NLN: variants seen among roughly 807,000 people sequenced by gnomAD.
NLN encodes neurolysin, mitochondrial.
Under a neutral mutation model 79.9 loss-of-function variants are expected in NLN, and 64 were observed. The ratio of observed to expected loss-of-function variants is 0.80; its 90% CI spans 0.65 to 0.99. NLN has a LOEUF of 0.99. Among genes scored for constraint, NLN ranks in the 50% least tolerant of loss-of-function variants. The pLI is 0.00. For synonymous variants in NLN, 267 were observed against 296.6 expected (o/e 0.90, Z 1.02); for missense variants, 835 against 858.7 (o/e 0.97, Z 0.34).
At chr5:65,756,182 G>A (rs1286856996) in intron 1 of NLN, among the ~76,000 whole-genome samples, 1 of 152,010 alleles carries the variant, frequency 6.6e-6, no homozygotes, top group Non-Finnish European at 1.5e-5. Flanking sequence ...TAGAGTTAGG[G>A]CCCCAATGCT....
chr5:65,828,964 G>C lies in NLN; in HGVS notation c.*6049G>C, dbSNP rs1760970409. On this transcript the variant is annotated 3_prime_UTR_variant, in exon 13 of 13. Coordinates refer to ENST00000380985, the MANE Select transcript of NLN (RefSeq NM_020726.5). ...CCAGAGGTTAATTACCGGTTTTCTG[G>C]TGGGTATCTGGGAACTGAGGATGGG... The C allele has an allele frequency of 6.6e-6, 1 of 152,182 alleles. No individual in the cohort carries two copies. 9.4% of individuals were successfully genotyped at this position (152,182 alleles called of 1,614,324 possible).
intron 9 of NLN, among the ~76,000 whole-genome samples, chr5:65,799,359 T>C (rs1343279353): frequency 6.6e-6 from 1 of 152,158 alleles, no homozygotes; most frequent in East Asian, 1.9e-4. Flanking sequence ...AGTAAAATAA[T>C]AAAAGTAGAA....
Position 65,825,293 on chromosome 5 carries a change from A to G in NLN, c.*2378A>G, listed in dbSNP as rs1300445077. 1 of 152,164 alleles carries G rather than the reference A, an allele frequency of 6.6e-6. No individual in the cohort carries two copies. Among genetic ancestry groups the G allele is most frequent in the African/African-American group, 2.4e-5 (1 of 41,440 alleles). 9.4% of individuals were successfully genotyped at this position (152,164 alleles called of 1,614,324 possible). A position where few individuals can be genotyped will look rare whatever the true frequency, so the allele number is the denominator to read the frequency against. The stretch of plus-strand genomic sequence containing the variant: ...TGCTTGAAATGGTGGATAACTATGT[A>G]AATTGTAATTGGACAAATGTACACT... On this transcript the variant is annotated 3_prime_UTR_variant, in exon 13 of 13. Transcript: ENST00000380985.
chr5:65,803,524 C>T (rs373196876), intron 9 of NLN, among the ~76,000 whole-genome samples: 3 of 152,144 alleles, frequency 2.0e-5, no homozygotes, highest in Admixed American at 1.3e-4. Flanking sequence ...GGGGAGCTTC[C>T]GGGGCCCCTG....
intron 1 of NLN, chr5:65,722,694 T>G (rs967767210): frequency 4.2e-6 from 2 of 480,608 alleles, no homozygotes; most frequent in Admixed American, 8.4e-5. Flanking sequence ...CGGCCCAAAA[T>G]GAATGCAAAT....
At chr5:65,757,159 C>G (rs1350047044) in intron 1 of NLN, among the ~76,000 whole-genome samples, 2 of 152,178 alleles carry the variant, frequency 1.3e-5, no homozygotes, top group Non-Finnish European at 1.5e-5. Context: ...AGATACAGTA[C>G]ATGCTCATAA....
intron 9 of NLN, among the ~76,000 whole-genome samples, chr5:65,797,697 C>T (rs557240284): frequency 3.3e-5 from 5 of 152,292 alleles, no homozygotes; most frequent in South Asian, 4.2e-4. Context: ...GCCATATGTA[C>T]GTGAAGTATT....
rs1283839498 is a variant in NLN at position 65,795,063 on chromosome 5, A to T, written c.1527+2408A>T. On this transcript the variant is annotated intron_variant, in intron 9 of 12. Transcript: ENST00000380985. ...TTAGGTGTTTTTAAAATTCATTTTC[A>T]TAGCACTGACTGGGCGTGGTGGTTC... is the stretch of plus-strand genomic sequence containing the variant. 3.3e-5 allele frequency among the ~76,000 whole-genome samples: 5 copies of T among 152,230 alleles called. No homozygotes were observed. The East Asian group carries it at 9.7e-4, about 29-fold the overall frequency.
rs1260638678 is a variant in NLN at position 65,809,632 on chromosome 5, T to C, written c.1645T>C (p.Tyr549His). Residue 549 changes from tyrosine (Y) to histidine (H), a missense_variant, in exon 10 of 13, where the codon TAT becomes CAT. Coordinates refer to ENST00000380985, the MANE Select transcript of NLN (RefSeq NM_020726.5). ...TTCCCTCCGAAGATTGTCAAAACAT[T>C]ATAAAGATGGAAGCCCTATTGCAGA... is the stretch of plus-strand genomic sequence containing the variant. Reference protein sequence around the residue: ...VDSLRRLSKHYKDGSPIADDL... With the variant: ...VDSLRRLSKHHKDGSPIADDL... 1.2e-6 allele frequency: 2 copies of C among 1,614,028 alleles called. No individual in the cohort carries two copies. Among genetic ancestry groups the C allele is most frequent in the South Asian group, 2.2e-5 (2 of 91,042 alleles).
chr5:65,752,229 C>A (rs1312649329), intron 1 of NLN, among the ~76,000 whole-genome samples: 1 of 124,358 alleles, frequency 8.0e-6, no homozygotes, highest in African/African-American at 2.6e-5. Context: ...GAGAGTGAGA[C>A]CCTGTTTCAA....
intron 12 of NLN, among the ~76,000 whole-genome samples, chr5:65,820,968 G>C (rs929829294): frequency 6.6e-6 from 1 of 150,878 alleles, no homozygotes; most frequent in East Asian, 2.0e-4. Flanking sequence ...CTTGACCCCT[G>C]GGAGGCAGAG....
chr5:65,777,513 T>C lies in NLN; in HGVS notation c.537T>C (p.His179=). 6.2e-7 allele frequency: 1 copy of C among 1,606,080 alleles called. No individual in the cohort carries two copies. The change falls in exon 4 of 13, where the codon CAT becomes CAC. Residue 179 remains histidine, a synonymous_variant. Transcript: ENST00000380985. ...AAATGGGGAAAAGAAATGGGCTCCA[T>C]CTTCCTGAACAAGTACAGAATGTGA... The part of the protein sequence containing the change: ...SIKMGKRNGL[H]LPEQVQNEIK...
chr5:65,756,768 G>A (rs868337764), intron 1 of NLN, among the ~76,000 whole-genome samples: 2 of 152,128 alleles, frequency 1.3e-5, no homozygotes, highest in Admixed American at 6.6e-5. Flanking sequence ...CTCTCAAAAT[G>A]TTGGGATTAT....
At chr5:65,795,447 G>A (rs1347539023) in intron 9 of NLN, among the ~76,000 whole-genome samples, 1 of 152,170 alleles carries the variant, frequency 6.6e-6, no homozygotes, top group Non-Finnish European at 1.5e-5. Context: ...AGCACTTTGC[G>A]AGGCCCAGGC....
chr5:65,810,528 GT>G (rs536467250), intron 11 of NLN, among the ~76,000 whole-genome samples: 83 of 151,974 alleles, frequency 5.5e-4, no homozygotes, highest in African/African-American at 1.9e-3. Context: ...AACTTTTTAA[GT>G]TTTTTTTCCT....
chr5:65,725,758 G>A (rs1008904478), intron 1 of NLN, among the ~76,000 whole-genome samples: 1 of 152,148 alleles, frequency 6.6e-6, no homozygotes, highest in Non-Finnish European at 1.5e-5. Context: ...CAGAATTTCT[G>A]CCACATACTT....
At chr5:65,758,253 A>G (rs1759263300) in intron 1 of NLN, among the ~76,000 whole-genome samples, 1 of 152,082 alleles carries the variant, frequency 6.6e-6, no homozygotes, top group African/African-American at 2.4e-5. Context: ...GAGGGAGGGA[A>G]GATTACTGAT....
At chr5:65,818,257 G>A (rs903074181) in intron 12 of NLN, among the ~76,000 whole-genome samples, 3 of 152,128 alleles carry the variant, frequency 2.0e-5, no homozygotes, top group Non-Finnish European at 4.4e-5. Context: ...CATAAGACTC[G>A]TGTAAAAGGA....
chr5:65,789,057 C>T (rs1238745790), intron 8 of NLN, among the ~76,000 whole-genome samples: 1 of 151,968 alleles, frequency 6.6e-6, no homozygotes, highest in Non-Finnish European at 1.5e-5. Context: ...CACTTGAGTC[C>T]AGGAGTTTAA....
Sources: allele counts gnomAD v4.1 joint callset (sites outside exome capture counted in the v4.1 genomes callset), GRCh38; gene constraint gnomAD v4.1.1; transcripts MANE v1.5; gene names NCBI Gene and HGNC (gene_info 2026-07-23, HGNC 2026-07-21).